The following LIN7C variants were observed in gnomAD, a reference collection of about 807,000 sequenced individuals.
The protein encoded by LIN7C is lin-7 cell polarity scaffold C.
A neutral mutation model predicts 24.7 loss-of-function variants in LIN7C; 17 were observed. That is an observed-to-expected ratio of 0.69 (90% CI 0.47 to 1.03). The LOEUF is 1.03. LIN7C is among the 50% of genes least tolerant of loss of function. The probability of loss-of-function intolerance (pLI) is 0.00; values close to 1 mark genes in which losing one functional copy is unlikely to be tolerated. For synonymous variants in LIN7C, 90 were observed against 83.4 expected (o/e 1.08, Z -0.43); for missense variants, 204 against 239.0 (o/e 0.85, Z 0.97).
chr11:27,500,886 GTAAC>G (rs915041591), intron 3 of LIN7C, among the ~76,000 whole-genome samples: 1 of 152,172 alleles, frequency 6.6e-6, no homozygotes, highest in African/African-American at 2.4e-5. Flanking sequence ...TTGTGAGCCA[GTAAC>G]TATCCATAAA....
chr11:27,498,611 G>C lies in LIN7C; in HGVS notation c.*38C>G. 6.3e-7 allele frequency: 1 copy of C among 1,593,164 alleles called. No individual in the cohort carries two copies. Among genetic ancestry groups the C allele is most frequent in the Non-Finnish European group, 8.6e-7 (1 of 1,167,556 alleles). Reference sequence around the variant, plus strand: ...GTAAGTCACAAGGAAAACTTCTCTAGCTAAAACGCAAAATGAAATATCAAG... The same window carrying C: ...GTAAGTCACAAGGAAAACTTCTCTACCTAAAACGCAAAATGAAATATCAAG... On this transcript the variant is annotated 3_prime_UTR_variant, in exon 5 of 5. Coordinates refer to ENST00000278193, the MANE Select transcript of LIN7C (RefSeq NM_018362.4).
At chr11:27,506,069 TAG>T (rs1213016591) in intron 1 of LIN7C, among the ~76,000 whole-genome samples, 2 of 152,210 alleles carry the variant, frequency 1.3e-5, no homozygotes, top group African/African-American at 4.8e-5. Context: ...TTTGCAATTG[TAG>T]GGTTTGTAAG....
rs1393969083 is a variant in LIN7C, at chr11:27,495,764, G to A, written c.*2885C>T. ...AAAAAAAAGAAAAAAGAAAAAAAAA[G>A]ATAAGACTGTAATTACTTCCCAAAT... is the stretch of plus-strand genomic sequence containing the variant. On this transcript the variant is annotated 3_prime_UTR_variant, in exon 5 of 5. Transcript: ENST00000278193. The A allele has an allele frequency of 1.3e-5, 2 of 151,544 alleles. No homozygotes were observed. The highest frequency in any genetic ancestry group is 4.8e-5 in the African/African-American group (2 of 41,248). The allele number at this position is 151,544 out of a possible 1,614,324, so 9.4% of individuals were successfully genotyped here.
intron 4 of LIN7C, 34 bp downstream of exon 4, chr11:27,499,325 G>T (rs1401779381): frequency 6.3e-7 from 1 of 1,583,562 alleles, no homozygotes; most frequent in Non-Finnish European, 8.7e-7. Flanking sequence ...GGTCACAACA[G>T]ATCACTACAA....
chr11:27,499,250 C>T (rs1399097175), intron 4 of LIN7C, 109 bp downstream of exon 4: 2 of 815,924 alleles, frequency 2.5e-6, no homozygotes, highest in Non-Finnish European at 4.0e-6. Context: ...CCTAGGATTC[C>T]CTCAAGGCAT....
At chr11:27,501,627 AT>A in intron 2 of LIN7C, 61 bp from the exon 3 acceptor site, 1 of 1,230,598 alleles carries the variant, frequency 8.1e-7, no homozygotes. Flanking sequence ...TGAAGTTAAA[AT>A]TTCAGGCAAA....
intron 1 of LIN7C, among the ~76,000 whole-genome samples, chr11:27,504,757 C>T (rs114388342): frequency 2.6e-5 from 4 of 152,250 alleles, no homozygotes; most frequent in Admixed American, 6.5e-5. Context: ...CAATATCTGA[C>T]GCTACGTAAA....
Position 27,501,578 on chromosome 11 carries a change from A to T in LIN7C, c.157-12T>A. On this transcript the variant is annotated splice_polypyrimidine_tract_variant and intron_variant, in intron 2 of 4. Coordinates refer to ENST00000278193, the MANE Select transcript of LIN7C (RefSeq NM_018362.4). ...ACATGTTCATATACCTGTAAAAGCCAAAGTTATATCTCAGAATATACCATG... is the reference window on the plus strand; with the variant it reads ...ACATGTTCATATACCTGTAAAAGCCTAAGTTATATCTCAGAATATACCATG... 6.4e-7 allele frequency: 1 copy of T among 1,551,834 alleles called. No homozygotes were observed. Among genetic ancestry groups the T allele is most frequent in the Non-Finnish European group, 8.8e-7 (1 of 1,139,502 alleles).
At chr11:27,499,295 A>G (rs780510937) in intron 4 of LIN7C, 64 bp downstream of exon 4, 5 of 1,347,862 alleles carry the variant, frequency 3.7e-6, no homozygotes, top group Non-Finnish European at 5.3e-6. Flanking sequence ...TTCTCCTATT[A>G]CTCAAATACG....
chr11:27,500,281 C>T (rs1482332671), intron 3 of LIN7C, among the ~76,000 whole-genome samples: 1 of 152,174 alleles, frequency 6.6e-6, no homozygotes, highest in East Asian at 1.9e-4. Flanking sequence ...AGCCTTTGTG[C>T]AGGACACAAC....
At chr11:27,499,733 C>T (rs967570940) in intron 3 of LIN7C, among the ~76,000 whole-genome samples, 165 bp from the exon 4 acceptor site, 2 of 152,218 alleles carry the variant, frequency 1.3e-5, no homozygotes, top group Non-Finnish European at 2.9e-5. Flanking sequence ...CGCCATTCTC[C>T]TGCCTCAGCC....
At chr11:27,499,842 T>C (rs191509421) in intron 3 of LIN7C, among the ~76,000 whole-genome samples, 185 of 152,294 alleles carry the variant, frequency 1.2e-3, no homozygotes, top group African/African-American at 3.2e-3. Context: ...TTAGCCAGGA[T>C]GGTCTCGATC....
In LIN7C at chr11:27,498,603, C is replaced by T. The variant is rs761747119; in HGVS notation, c.*46G>A. The T allele has an allele frequency of 2.8e-5, 44 of 1,574,448 alleles. No individual in the cohort carries two copies. Among genetic ancestry groups the T allele is most frequent in the Non-Finnish European group, 3.7e-5 (43 of 1,155,966 alleles). ...AGCCATTAGTAAGTCACAAGGAAAA[C>T]TTCTCTAGCTAAAACGCAAAATGAA... On this transcript the variant is annotated 3_prime_UTR_variant, in exon 5 of 5. Coordinates refer to ENST00000278193, the MANE Select transcript of LIN7C (RefSeq NM_018362.4).
chr11:27,502,085 G>A (rs576367900), intron 1 of LIN7C, among the ~76,000 whole-genome samples, 165 bp from the exon 2 acceptor site: 1 of 152,298 alleles, frequency 6.6e-6, no homozygotes, highest in African/African-American at 2.4e-5. Flanking sequence ...GACTGTGTGT[G>A]TGTACACACA....
chr11:27,506,563 G>C lies in LIN7C; in HGVS notation c.37+153C>G, dbSNP rs374317581. On this transcript the variant is annotated intron_variant, in intron 1 of 4. Coordinates refer to ENST00000278193, the MANE Select transcript of LIN7C (RefSeq NM_018362.4). The stretch of plus-strand genomic sequence containing the variant: ...CAAAATACCGTAAGCGCCCTTCCTA[G>C]AGCCAGGCACAGAGACAACGGCGGC... Among the ~76,000 whole-genome samples the C allele has an allele frequency of 1.5e-4, 23 of 152,298 alleles. No homozygotes were observed. The South Asian group carries it at 3.5e-3, about 23-fold the overall frequency.
At position 27,506,754 on chromosome 11, in the gene LIN7C, T is replaced by C. The variant is rs748473864; in HGVS notation, c.-2A>G. 1 of 1,613,974 alleles carries C rather than the reference T, an allele frequency of 6.2e-7. No individual in the cohort carries two copies. Among genetic ancestry groups the C allele is most frequent in the Non-Finnish European group, 8.5e-7 (1 of 1,179,996 alleles). ...CACGGGTTCCCCTAGCGCCGCCATC[T>C]TCTCCCTTAACCTACAGACCCACAG... On this transcript the variant is annotated 5_prime_UTR_variant, in exon 1 of 5. Transcript: ENST00000278193.
At chr11:27,503,574 C>T (rs547864899) in intron 1 of LIN7C, among the ~76,000 whole-genome samples, 2 of 150,780 alleles carry the variant, frequency 1.3e-5, no homozygotes, top group Admixed American at 6.6e-5. Context: ...AGTGCAGTGG[C>T]GCAATCTCCA....
chr11:27,502,474 C>T (rs1181876062), intron 1 of LIN7C, among the ~76,000 whole-genome samples: 2 of 151,706 alleles, frequency 1.3e-5, no homozygotes, highest in Admixed American at 1.3e-4. Flanking sequence ...TTTAAAACAA[C>T]CATAAAAATG....
chr11:27,501,063 T>C (rs1386553247), intron 3 of LIN7C, among the ~76,000 whole-genome samples: 14 of 152,184 alleles, frequency 9.2e-5, no homozygotes, highest in Admixed American at 9.2e-4. Flanking sequence ...CTCGGGGAAG[T>C]ACCCCAGCTC....
Sources: gnomAD v4.1 joint callset for allele counts (sites outside exome capture counted in the v4.1 genomes callset) on GRCh38, gnomAD v4.1.1 for gene constraint, MANE v1.5 for transcripts, NCBI Gene and HGNC (gene_info 2026-07-23, HGNC 2026-07-21) for gene names.